Variants in STXBP6 observed in about 807,000 individuals in gnomAD.
The protein encoded by STXBP6 is syntaxin binding protein 6.
A neutral mutation model predicts 26.9 loss-of-function variants in STXBP6; 21 were observed. The observed-to-expected ratio is 0.78, with a 90% CI of 0.55 to 1.12. The LOEUF (loss-of-function observed/expected upper bound fraction) is 1.12, where lower values mean the gene tolerates loss of function less well. Among genes scored for constraint, STXBP6 ranks in the 50% most tolerant of loss-of-function variants. STXBP6 has a pLI of 0.00. For missense variants in STXBP6, 232 were observed against 257.9 expected (o/e 0.90, Z 0.69); for synonymous variants, 97 against 92.6 (o/e 1.05, Z -0.27).
At chr14:25,013,936 AT>A (rs1190279444) in intron 1 of STXBP6, among the ~76,000 whole-genome samples, 2 of 152,180 alleles carry the variant, frequency 1.3e-5, no homozygotes, top group South Asian at 4.2e-4. Flanking sequence ...TTGTTAGAGA[AT>A]TTTTTTAGTG....
chr14:24,984,699 C>T (rs2074288849), intron 1 of STXBP6, among the ~76,000 whole-genome samples: 1 of 152,200 alleles, frequency 6.6e-6, no homozygotes, highest in Non-Finnish European at 1.5e-5. Context: ...CTGTCAGCTA[C>T]CTCAAATTCT....
chr14:25,028,188 T>A (rs991956558), intron 1 of STXBP6, among the ~76,000 whole-genome samples: 2 of 152,162 alleles, frequency 1.3e-5, no homozygotes, highest in African/African-American at 4.8e-5. Context: ...AAACAACAGA[T>A]TTTCAATGTA....
At chr14:24,995,162 C>G (rs147190236) in intron 1 of STXBP6, among the ~76,000 whole-genome samples, 1,573 of 152,284 alleles carry the variant, frequency 0.01, 8 homozygotes, top group Non-Finnish European at 0.014. Flanking sequence ...CCATTTCCTA[C>G]TTCATAGATG....
At chr14:25,017,651 C>T (rs577567680) in intron 1 of STXBP6, among the ~76,000 whole-genome samples, 150 of 152,356 alleles carry the variant, frequency 9.8e-4, no homozygotes, top group Non-Finnish European at 1.8e-3. Context: ...CACAATACAT[C>T]TCAATGACTT....
intron 4 of STXBP6, among the ~76,000 whole-genome samples, chr14:24,838,471 G>A (rs1357634090): frequency 1.3e-5 from 2 of 152,070 alleles, no homozygotes; most frequent in East Asian, 3.9e-4. Flanking sequence ...GGATCATGAG[G>A]TCAGGAGTTC....
chr14:24,955,530 T>C (rs2146915), intron 2 of STXBP6, among the ~76,000 whole-genome samples: 112,425 of 152,178 alleles, frequency 0.74, 42,247 homozygotes, highest in African/African-American at 0.88. Flanking sequence ...CTAGCCAACA[T>C]AAGGGCTCTA....
At chr14:24,833,785 A>G (rs895441208) in intron 4 of STXBP6, among the ~76,000 whole-genome samples, 68 of 152,240 alleles carry the variant, frequency 4.5e-4, no homozygotes, top group Non-Finnish European at 6.8e-4. Context: ...ATATTTGATT[A>G]ATATGGAAAA....
chr14:24,883,665 T>C (rs1044334933), intron 2 of STXBP6, among the ~76,000 whole-genome samples: 92 of 60,960 alleles, frequency 1.5e-3, no homozygotes, highest in Non-Finnish European at 2.8e-3. Flanking sequence ...CCAGATATTC[T>C]ATTTATTACA....
At chr14:24,938,416 T>C (rs2072677625) in intron 2 of STXBP6, among the ~76,000 whole-genome samples, 1 of 152,140 alleles carries the variant, frequency 6.6e-6, no homozygotes, top group South Asian at 2.1e-4. Context: ...CTTCATACTT[T>C]ATCCCTGCCT....
At chr14:25,016,548 G>A (rs1014943846) in intron 1 of STXBP6, among the ~76,000 whole-genome samples, 3 of 152,084 alleles carry the variant, frequency 2.0e-5, no homozygotes, top group African/African-American at 7.2e-5. Context: ...AAGTGTAAAG[G>A]AATTCTGAAA....
intron 1 of STXBP6, among the ~76,000 whole-genome samples, chr14:25,018,397 C>T (rs1293910593): frequency 2.0e-5 from 3 of 152,222 alleles, no homozygotes; most frequent in Non-Finnish European, 2.9e-5. Context: ...TACAAAGTAC[C>T]AACCCAGAAT....
intron 2 of STXBP6, among the ~76,000 whole-genome samples, chr14:24,938,696 T>C (rs1476587220): frequency 1.3e-5 from 2 of 152,124 alleles, no homozygotes; most frequent in Non-Finnish European, 2.9e-5. Flanking sequence ...TATTTATTTG[T>C]TTTTAATGGA....
chr14:24,874,850 G>A (rs2070076167), intron 2 of STXBP6, among the ~76,000 whole-genome samples: 4 of 152,066 alleles, frequency 2.6e-5, no homozygotes, highest in Admixed American at 2.6e-4. Flanking sequence ...GAGAGGATGG[G>A]GATGCTCCTT....
At chr14:25,039,340 T>G (rs148445350) in intron 1 of STXBP6, among the ~76,000 whole-genome samples, 119 of 152,330 alleles carry the variant, frequency 7.8e-4, no homozygotes, top group African/African-American at 2.5e-3. Context: ...TAAGCCTTTA[T>G]TTCAAAAGTG....
chr14:24,937,323 G>A (rs540076701), intron 2 of STXBP6, among the ~76,000 whole-genome samples: 2 of 152,104 alleles, frequency 1.3e-5, no homozygotes, highest in Non-Finnish European at 2.9e-5. Context: ...ATTAAACCAC[G>A]ACACACTTTT....
At position 24,912,331 on chromosome 14, in the gene STXBP6, T is replaced by C. The variant is rs144933081; in HGVS notation, c.155-55174A>G. Among the ~76,000 whole-genome samples, 244 of 151,876 alleles carry C rather than the reference T, an allele frequency of 1.6e-3. 2 individuals carry two copies. Among genetic ancestry groups the C allele is most frequent in the African/African-American group, 5.7e-3 (234 of 41,348 alleles). On this transcript the variant is annotated intron_variant, in intron 2 of 5. Transcript: ENST00000323944. ...ATAATTCAAGATTTTAAGAACTAAG[T>C]TAAAATATAAAAGGTATCTTGAATG...
rs906201704 is a variant in STXBP6, at chr14:25,001,104, G to A, written c.-32-26254C>T. Among the ~76,000 whole-genome samples the A allele has an allele frequency of 4.6e-5, 7 of 152,160 alleles. No individual in the cohort carries two copies. The South Asian group carries it at 8.3e-4, about 18-fold the overall frequency. On this transcript the variant is annotated intron_variant, in intron 1 of 5. Coordinates refer to ENST00000323944, the MANE Select transcript of STXBP6 (RefSeq NM_001394410.1). ...ACCTCTGCATAACCATGGGAAGAAT[G>A]TAAAGACGGAGGCTTTTTCTCTTGG... is the stretch of plus-strand genomic sequence containing the variant.
At chr14:24,937,856 A>G (rs527719847) in intron 2 of STXBP6, among the ~76,000 whole-genome samples, 18 of 152,338 alleles carry the variant, frequency 1.2e-4, no homozygotes, top group African/African-American at 4.3e-4. Flanking sequence ...ACCTGTGTAC[A>G]TTCAGGTTTT....
chr14:24,894,700 TTTTCTCTATAGACAA>T (rs754730972), intron 2 of STXBP6, among the ~76,000 whole-genome samples: 5 of 152,134 alleles, frequency 3.3e-5, no homozygotes, highest in Admixed American at 6.5e-5. Flanking sequence ...CTGCATTAAC[TTTTCTCTATAGACAA>T]TGGGGCAGGG....
Sources: gnomAD v4.1 joint callset for allele counts (sites outside exome capture counted in the v4.1 genomes callset) on GRCh38, gnomAD v4.1.1 for gene constraint, MANE v1.5 for transcripts, NCBI Gene and HGNC (gene_info 2026-07-23, HGNC 2026-07-21) for gene names.